WAC: variants seen among roughly 807,000 people sequenced by gnomAD.
WAC encodes WW domain containing adaptor with coiled-coil.
Under a neutral mutation model 79.6 loss-of-function variants are expected in WAC, and 11 were observed. The ratio of observed to expected loss-of-function variants is 0.14; its 90% CI spans 0.09 to 0.23. The LOEUF is 0.23. WAC is among the 10% of genes least tolerant of loss of function. WAC has a pLI of 1.00. For synonymous variants in WAC, 304 were observed against 276.9 expected, an observed-to-expected ratio of 1.10 and a Z score of -0.97; for missense variants, 728 against 773.5, an observed-to-expected ratio of 0.94 and a Z score of 0.70.
chr10:28,541,923 G>GAATA, intron 3 of WAC, among the ~76,000 whole-genome samples: 1 of 152,178 alleles, frequency 6.6e-6, no homozygotes, highest in Non-Finnish European at 1.5e-5. Flanking sequence ...AGTAGCCAGA[G>GAATA]TGATCCAGTT....
chr10:28,581,729 T>C (rs1051343063), intron 3 of WAC, among the ~76,000 whole-genome samples: 6 of 151,984 alleles, frequency 3.9e-5, no homozygotes, highest in African/African-American at 1.5e-4. Context: ...TCCAGCTAAC[T>C]TTTGTATTTT....
intron 8 of WAC, among the ~76,000 whole-genome samples, chr10:28,608,807 T>C (rs188758448): frequency 6.6e-6 from 1 of 152,292 alleles, no homozygotes; most frequent in Non-Finnish European, 1.5e-5. Flanking sequence ...CCTGTATAAA[T>C]AATTACTCAG....
intron 7 of WAC, among the ~76,000 whole-genome samples, chr10:28,600,981 C>T (rs1386820804): frequency 6.6e-6 from 1 of 151,310 alleles, no homozygotes; most frequent in Non-Finnish European, 1.5e-5. Context: ...AGAACTAAAA[C>T]ACCGAGGCTC....
At chr10:28,535,300 CAG>C (rs1836577661) in intron 2 of WAC, 2 of 294,484 alleles carry the variant, frequency 6.8e-6, no homozygotes, top group Non-Finnish European at 1.2e-5. Flanking sequence ...TTTGCAGAAT[CAG>C]TGTGCAAGGT....
intron 4 of WAC, 185 bp from the exon 5 acceptor site, chr10:28,589,551 G>A: frequency 2.9e-6 from 1 of 344,298 alleles, no homozygotes. Context: ...ATTTTATAAA[G>A]TTCTGTTGTC....
chr10:28,602,932 G>A (rs975502067), intron 7 of WAC, among the ~76,000 whole-genome samples: 4 of 152,126 alleles, frequency 2.6e-5, no homozygotes, highest in African/African-American at 7.2e-5. Context: ...TAAAATCAAA[G>A]GGTGATATTT....
chr10:28,583,992 A>G (rs1221351675), intron 4 of WAC, among the ~76,000 whole-genome samples: 2 of 152,246 alleles, frequency 1.3e-5, no homozygotes, highest in Non-Finnish European at 2.9e-5. Flanking sequence ...GTTTAGTTTA[A>G]TGAAATAAGT....
intron 3 of WAC, among the ~76,000 whole-genome samples, chr10:28,578,113 C>A (rs909774586): frequency 6.6e-6 from 1 of 152,098 alleles, no homozygotes; most frequent in African/African-American, 2.4e-5. Flanking sequence ...GAGTCAAGAT[C>A]GTGCCACTGC....
chr10:28,618,020 G>A lies in WAC; in HGVS notation c.1874+236G>A, dbSNP rs958854800. 28 of 300,616 alleles carry A rather than the reference G, an allele frequency of 9.3e-5. No homozygotes were observed. In the East Asian group the frequency reaches 2.0e-3, roughly 22 times the overall value. The allele number at this position is 300,616 out of a possible 1,614,324, so 18.6% of individuals were successfully genotyped here. On this transcript the variant is annotated intron_variant, in intron 13 of 13. Coordinates refer to ENST00000354911, the MANE Select transcript of WAC (RefSeq NM_016628.5). ...GACTTTTCTCATAACTCCATAAGCT[G>A]CAATAATATATTACTGAAAAAATGA...
intron 9 of WAC, chr10:28,611,236 A>G (rs929721784): frequency 1.6e-5 from 21 of 1,289,302 alleles, no homozygotes; most frequent in Non-Finnish European, 2.1e-5. Flanking sequence ...GGAAATGCTC[A>G]TTTTCTGCCT....
At chr10:28,604,214 C>T (rs897804368) in intron 7 of WAC, among the ~76,000 whole-genome samples, 3 of 150,690 alleles carry the variant, frequency 2.0e-5, no homozygotes, top group Admixed American at 1.3e-4. Context: ...AAGTGTAAGG[C>T]CTACCTTCCC....
intron 8 of WAC, 160 bp downstream of exon 8, chr10:28,608,591 T>C (rs1173172503): frequency 1.4e-6 from 1 of 737,334 alleles, no homozygotes; most frequent in African/African-American, 1.8e-5. Context: ...TGGAAATTTA[T>C]ATCCACTGTA....
intron 3 of WAC, among the ~76,000 whole-genome samples, chr10:28,578,141 TGA>T (rs1360510663): frequency 6.6e-6 from 1 of 152,112 alleles, no homozygotes; most frequent in Admixed American, 6.6e-5. Flanking sequence ...CTTGGGTAAC[TGA>T]GAGATCCTGT....
chr10:28,587,088 C>T (rs772844397), intron 4 of WAC, among the ~76,000 whole-genome samples: 5 of 152,124 alleles, frequency 3.3e-5, no homozygotes, highest in Admixed American at 6.5e-5. Flanking sequence ...ATAACAAGAC[C>T]TCATCTCGGG....
At chr10:28,574,057 A>G (rs1275592298) in intron 3 of WAC, among the ~76,000 whole-genome samples, 1 of 152,190 alleles carries the variant, frequency 6.6e-6, no homozygotes, top group Non-Finnish European at 1.5e-5. Context: ...TTGTTGCTAA[A>G]TGATATTCTG....
At chr10:28,570,720 A>G (rs575810263) in intron 3 of WAC, among the ~76,000 whole-genome samples, 5 of 152,228 alleles carry the variant, frequency 3.3e-5, no homozygotes, top group African/African-American at 9.6e-5. Flanking sequence ...ATATAAAAGG[A>G]TAATTGTGTG....
chr10:28,598,551 G>A (rs1338998885), intron 7 of WAC, among the ~76,000 whole-genome samples: 1 of 152,124 alleles, frequency 6.6e-6, no homozygotes, highest in Non-Finnish European at 1.5e-5. Context: ...CATGCAGTTT[G>A]ATGCTAATTG....
Position 28,533,515 on chromosome 10 carries a change from G to T in WAC, c.-65G>T, listed in dbSNP as rs1836395572. 8.9e-7 allele frequency: 1 copy of T among 1,122,064 alleles called. No homozygotes were observed. The allele number at this position is 1,122,064 out of a possible 1,614,324, so 69.5% of individuals were successfully genotyped here. ...GCCGCCCGCCGCCGCCGCCGCCTGC[G>T]CGCCCGCCCGCCTTTCGCGGCCGCT... On this transcript the variant is annotated 5_prime_UTR_variant, in exon 1 of 14. Coordinates refer to ENST00000354911, the MANE Select transcript of WAC (RefSeq NM_016628.5).
intron 12 of WAC, among the ~76,000 whole-genome samples, chr10:28,617,237 C>G (rs1841510779): frequency 6.6e-6 from 1 of 152,204 alleles, no homozygotes; most frequent in South Asian, 2.1e-4. Flanking sequence ...AACTGACCAT[C>G]TGGGGTGTTC....
Sources: allele counts gnomAD v4.1 joint callset (sites outside exome capture counted in the v4.1 genomes callset), GRCh38; gene constraint gnomAD v4.1.1; transcripts MANE v1.5; gene names NCBI Gene and HGNC (gene_info 2026-07-23, HGNC 2026-07-21).